The following FAT3 variants were observed in gnomAD, a reference collection of about 807,000 sequenced individuals.
FAT3 encodes protocadherin Fat 3.
FAT3 carries 95 observed loss-of-function variants against 310.2 expected under a neutral mutation model. The observed-to-expected ratio is 0.31, with a 90% CI of 0.26 to 0.36. The LOEUF is 0.36. Among genes scored for constraint, FAT3 ranks in the 10% least tolerant of loss-of-function variants. The probability of loss-of-function intolerance (pLI) is 1.00; values close to 1 mark genes in which losing one functional copy is unlikely to be tolerated. For synonymous variants in FAT3, 2,314 were observed against 2,192.9 expected, an observed-to-expected ratio of 1.06 and a Z score of -1.54; for missense variants, 5,408 against 5,715.6, an observed-to-expected ratio of 0.95 and a Z score of 1.74.
chr11:92,812,543 G>A (rs929594621), intron 13 of FAT3, among the ~76,000 whole-genome samples: 4 of 150,320 alleles, frequency 2.7e-5, no homozygotes, highest in East Asian at 1.9e-4. Flanking sequence ...TATTGTGCCA[G>A]TGCACTCCAG....
chr11:92,759,635 A>G (rs1194735428), intron 4 of FAT3, among the ~76,000 whole-genome samples: 5 of 152,102 alleles, frequency 3.3e-5, no homozygotes, highest in Non-Finnish European at 5.9e-5. Context: ...TAACATGATG[A>G]CGAGTGACCC....
chr11:92,466,843 T>C (rs954157417), intron 2 of FAT3, among the ~76,000 whole-genome samples: 2 of 150,994 alleles, frequency 1.3e-5, no homozygotes, highest in Non-Finnish European at 2.9e-5. Flanking sequence ...TTTGGTTTTT[T>C]GTCTTTGCTA....
chr11:92,501,204 G>T (rs1483826478), intron 2 of FAT3, among the ~76,000 whole-genome samples: 1 of 152,054 alleles, frequency 6.6e-6, no homozygotes, highest in Admixed American at 6.6e-5. Context: ...AAAGTCTTCA[G>T]CTGGGGGTAT....
At chr11:92,483,612 A>G (rs971357970) in intron 2 of FAT3, among the ~76,000 whole-genome samples, 1 of 151,822 alleles carries the variant, frequency 6.6e-6, no homozygotes, top group African/African-American at 2.4e-5. Flanking sequence ...ATTTTCCTCT[A>G]TCCTTTTTTC....
chr11:92,703,451 T>G (rs1359566941), intron 4 of FAT3, among the ~76,000 whole-genome samples: 1 of 152,168 alleles, frequency 6.6e-6, no homozygotes, highest in East Asian at 1.9e-4. Context: ...ACAGGAAGTA[T>G]CCATGGGCCC....
intron 3 of FAT3, among the ~76,000 whole-genome samples, chr11:92,625,146 C>G (rs571088569): frequency 6.6e-6 from 1 of 152,156 alleles, no homozygotes; most frequent in Non-Finnish European, 1.5e-5. Flanking sequence ...TTGATGGATG[C>G]TGGGGCAAGA....
intron 3 of FAT3, among the ~76,000 whole-genome samples, chr11:92,580,827 C>A (rs1230483530): frequency 1.3e-5 from 2 of 152,090 alleles, no homozygotes; most frequent in Non-Finnish European, 2.9e-5. Flanking sequence ...GCCACCTCAT[C>A]TGAGCCTACA....
intron 4 of FAT3, among the ~76,000 whole-genome samples, chr11:92,722,214 AC>A (rs911303937): frequency 3.3e-5 from 5 of 150,016 alleles, no homozygotes; most frequent in African/African-American, 1.3e-4. Flanking sequence ...ATGGCAGTAT[AC>A]CCATTGGGTA....
At chr11:92,442,423 T>A (rs984103673) in intron 2 of FAT3, among the ~76,000 whole-genome samples, 5 of 151,296 alleles carry the variant, frequency 3.3e-5, no homozygotes, top group Non-Finnish European at 7.4e-5. Context: ...AGGAAATATA[T>A]TTGAGCATGG....
In FAT3 at chr11:92,427,022, T is replaced by C. The variant is rs188735759; in HGVS notation, c.3292+71618T>C. Among the ~76,000 whole-genome samples, 14 of 152,324 alleles carry C rather than the reference T, an allele frequency of 9.2e-5. No homozygotes were observed. In the East Asian group the frequency reaches 2.7e-3, roughly 29 times the overall value. On this transcript the variant is annotated intron_variant, in intron 2 of 27. Coordinates refer to ENST00000525166, the MANE Select transcript of FAT3 (RefSeq NM_001367949.2). ...CCTATCCATGAGCATGCAATGTTTT[T>C]CCATTTGTTTGTGTCCTCTCTTATT...
Position 92,537,460 on chromosome 11 carries a change from C to CT in FAT3, c.3607+12515dup, listed in dbSNP as rs796740849. 2.6e-5 allele frequency among the ~76,000 whole-genome samples: 4 copies of CT among 152,210 alleles called. No individual in the cohort carries two copies. The South Asian group carries it at 8.3e-4, about 32-fold the overall frequency. ...TATCTGTATACCCCTTAGCAGCCTC[C>CT]TTTCCTGTGTGTACTGACCCCCAGT... On this transcript the variant is annotated intron_variant, in intron 3 of 27. Transcript: ENST00000525166.
chr11:92,494,247 C>G (rs1330210668), intron 2 of FAT3, among the ~76,000 whole-genome samples: 1 of 151,910 alleles, frequency 6.6e-6, no homozygotes, highest in Non-Finnish European at 1.5e-5. Flanking sequence ...GTCCCTCCCT[C>G]AACATGTGGG....
At chr11:92,489,132 C>A (rs938762985) in intron 2 of FAT3, among the ~76,000 whole-genome samples, 10 of 152,080 alleles carry the variant, frequency 6.6e-5, no homozygotes, top group Non-Finnish European at 2.9e-5. Flanking sequence ...GCATTTACTT[C>A]ACTGCTTAGA....
At chr11:92,518,273 A>G (rs1953556118) in intron 2 of FAT3, among the ~76,000 whole-genome samples, 1 of 152,200 alleles carries the variant, frequency 6.6e-6, no homozygotes, top group Non-Finnish European at 1.5e-5. Flanking sequence ...CCAAATGCCC[A>G]TCAATGATAG....
chr11:92,246,460 G>A (rs1057211139), intron 1 of FAT3, among the ~76,000 whole-genome samples: 1 of 152,044 alleles, frequency 6.6e-6, no homozygotes, highest in Admixed American at 6.6e-5. Flanking sequence ...ACAGGAAAAG[G>A]ATTAAGACAG....
At chr11:92,658,922 T>TCTC (rs149296550) in intron 3 of FAT3, among the ~76,000 whole-genome samples, 13 of 149,820 alleles carry the variant, frequency 8.7e-5, no homozygotes, top group African/African-American at 3.2e-4. Context: ...TCATCGTCAT[T>TCTC]ATCATCATCA....
chr11:92,348,083 C>T (rs555121677), intron 1 of FAT3, among the ~76,000 whole-genome samples: 3 of 151,418 alleles, frequency 2.0e-5, no homozygotes, highest in African/African-American at 7.2e-5. Context: ...CATTTATTTC[C>T]TAATCAGTGG....
chr11:92,753,773 G>GGTGTGTGTGT (rs145467493), intron 4 of FAT3, among the ~76,000 whole-genome samples: 1,403 of 124,098 alleles, frequency 0.011, 4 homozygotes, highest in Non-Finnish European at 0.013. Flanking sequence ...AAGAAACTGT[G>GGTGTGTGTGT]GTGTGTGTGT....
chr11:92,304,917 T>G (rs554696761), intron 1 of FAT3, among the ~76,000 whole-genome samples: 12 of 152,256 alleles, frequency 7.9e-5, no homozygotes, highest in African/African-American at 2.4e-4. Flanking sequence ...AACCCAGGCA[T>G]GAAAACTAAA....
Sources: allele counts gnomAD v4.1 joint callset (sites outside exome capture counted in the v4.1 genomes callset), GRCh38; gene constraint gnomAD v4.1.1; transcripts MANE v1.5; gene names NCBI Gene and HGNC (gene_info 2026-07-23, HGNC 2026-07-21).